Variants in PDE8B observed in about 807,000 individuals in gnomAD.
PDE8B encodes the protein high affinity cAMP-specific and IBMX-insensitive 3',5'-cyclic phosphodiesterase 8B.
A neutral mutation model predicts 101.3 loss-of-function variants in PDE8B; 26 were observed. The ratio of observed to expected loss-of-function variants is 0.26; its 90% CI spans 0.19 to 0.36. The LOEUF is 0.36. PDE8B is among the 10% of genes least tolerant of loss of function. PDE8B has a pLI of 1.00. For missense variants in PDE8B, 810 were observed against 1,163.1 expected, an observed-to-expected ratio of 0.70 and a Z score of 4.42; for synonymous variants, 424 against 429.3, an observed-to-expected ratio of 0.99 and a Z score of 0.15.
chr5:77,342,424 T>G (rs942150186), intron 6 of PDE8B, among the ~76,000 whole-genome samples: 5 of 152,202 alleles, frequency 3.3e-5, no homozygotes, highest in African/African-American at 7.2e-5. Flanking sequence ...TTTCACCCAG[T>G]TCTTTCTGCC....
In PDE8B at chr5:77,259,322, C is replaced by T. The variant is rs545069965; in HGVS notation, c.339+48058C>T. Among the ~76,000 whole-genome samples, 19 of 152,214 alleles carry T rather than the reference C, an allele frequency of 1.2e-4. No individual in the cohort carries two copies. In the South Asian group the frequency reaches 3.9e-3, roughly 32 times the overall value. On this transcript the variant is annotated intron_variant, in intron 1 of 21. Coordinates refer to ENST00000264917, the MANE Select transcript of PDE8B (RefSeq NM_003719.5). ...CTTGGCCCATAGAACAGGTTACAAA[C>T]CTTTGCCCCACAAGAGATTGGAATG... is the stretch of plus-strand genomic sequence containing the variant.
At chr5:77,218,249 A>T (rs1433280636) in intron 1 of PDE8B, among the ~76,000 whole-genome samples, 1 of 152,254 alleles carries the variant, frequency 6.6e-6, no homozygotes, top group African/African-American at 2.4e-5. Context: ...TAATAATATT[A>T]GTTGTTATTT....
the PDE8B span, chr5:77,140,953 T>G: frequency 1.3e-5 from 2 of 152,188 alleles, no homozygotes; most frequent in African/African-American, 2.4e-5. Context: ...TGTACATATT[T>G]GTACTCATAT....
chr5:77,345,545 T>C (rs1361514206), intron 7 of PDE8B, among the ~76,000 whole-genome samples: 3 of 152,214 alleles, frequency 2.0e-5, no homozygotes, highest in Non-Finnish European at 2.9e-5. Context: ...TGCTTATAAA[T>C]GTCTAGGGAA....
At chr5:77,097,581 G>A in the PDE8B span, among the ~76,000 whole-genome samples, 1 of 144,762 alleles carries the variant, frequency 6.9e-6, no homozygotes, top group South Asian at 2.3e-4. Context: ...TATTCTGGAG[G>A]ACAGTATCTC....
chr5:77,349,585 C>T lies in PDE8B; in HGVS notation c.1017+26C>T, dbSNP rs548542348. 25 of 1,613,534 alleles carry T rather than the reference C, an allele frequency of 1.5e-5. No individual in the cohort carries two copies. In the South Asian group the frequency reaches 2.5e-4, roughly 16 times the overall value. ...GTGGGTTACACCAGCAAAACCAATC[C>T]ACGAACCCTCTCCCCAATGCACTTT... is the stretch of plus-strand genomic sequence containing the variant. On this transcript the variant is annotated intron_variant, in intron 8 of 21. Coordinates refer to ENST00000264917, the MANE Select transcript of PDE8B (RefSeq NM_003719.5).
chr5:77,229,289 A>C (rs1339233883), intron 1 of PDE8B, among the ~76,000 whole-genome samples: 2 of 152,172 alleles, frequency 1.3e-5, no homozygotes, highest in African/African-American at 4.8e-5. Context: ...TTAGTGTCAA[A>C]ATTTTAGTAA....
chr5:77,378,036 ACACACACACAC>A (rs1452798290), intron 10 of PDE8B, among the ~76,000 whole-genome samples: 5 of 135,872 alleles, frequency 3.7e-5, no homozygotes, highest in Non-Finnish European at 8.2e-5. Context: ...ACACACACAC[ACACACACACAC>A]ACCCCCTGTT....
chr5:77,156,975 AG>A, the PDE8B span, among the ~76,000 whole-genome samples: 1 of 152,304 alleles, frequency 6.6e-6, no homozygotes, highest in Admixed American at 6.5e-5. Context: ...AAATCTTAAA[AG>A]CATATGGTCT....
chr5:77,418,065 G>A (rs539683202), intron 17 of PDE8B, among the ~76,000 whole-genome samples, 164 bp from the exon 18 acceptor site: 2 of 152,278 alleles, frequency 1.3e-5, no homozygotes, highest in African/African-American at 2.4e-5. Context: ...AAGCGATGCT[G>A]CATGTCCGAG....
intron 10 of PDE8B, among the ~76,000 whole-genome samples, chr5:77,387,104 C>T (rs543957813): frequency 6.7e-4 from 101 of 151,584 alleles, no homozygotes; most frequent in African/African-American, 2.2e-3. Context: ...AGGATGGTCT[C>T]GATCTCCTGA....
intron 2 of PDE8B, among the ~76,000 whole-genome samples, chr5:77,317,764 A>G (rs11748861): frequency 0.19 from 28,946 of 151,994 alleles, 3,454 homozygotes; most frequent in Middle Eastern, 0.31. Context: ...TCCCGTCCCC[A>G]TTCCCGTCAT....
At chr5:77,385,359 CTCTTT>C (rs1410935650) in intron 10 of PDE8B, among the ~76,000 whole-genome samples, 1 of 151,486 alleles carries the variant, frequency 6.6e-6, no homozygotes, top group Non-Finnish European at 1.5e-5. Flanking sequence ...TGATTCTTCT[CTCTTT>C]TCTTCTTTAT....
At chr5:77,234,516 T>G (rs1279140404) in intron 1 of PDE8B, among the ~76,000 whole-genome samples, 1 of 152,128 alleles carries the variant, frequency 6.6e-6, no homozygotes, top group African/African-American at 2.4e-5. Flanking sequence ...TCAAGAGGAC[T>G]TTACCGAACC....
chr5:77,191,357 C>CTT, the PDE8B span, among the ~76,000 whole-genome samples: 1 of 145,896 alleles, frequency 6.9e-6, no homozygotes. Flanking sequence ...TAAAACATAT[C>CTT]TTTTTTTTTT....
chr5:77,116,992 C>A, the PDE8B span, among the ~76,000 whole-genome samples: 2,439 of 152,316 alleles, frequency 0.016, 81 homozygotes, highest in African/African-American at 0.054. Context: ...TACTTCTACA[C>A]CCGGTTTCCA....
At chr5:77,295,075 A>G (rs919519519) in intron 1 of PDE8B, among the ~76,000 whole-genome samples, 1 of 152,156 alleles carries the variant, frequency 6.6e-6, no homozygotes, top group Non-Finnish European at 1.5e-5. Context: ...GCATCTAGGC[A>G]AAAAGACCAA....
chr5:77,419,787 G>A lies in PDE8B; in HGVS notation c.2150G>A (p.Arg717His), dbSNP rs1561690310. 4 of 1,614,006 alleles carry A rather than the reference G, an allele frequency of 2.5e-6. No homozygotes were observed. Among genetic ancestry groups the A allele is most frequent in the Non-Finnish European group, 3.4e-6 (4 of 1,179,950 alleles). ...TTTAGGAACCATTATCGAACGCTGC[G>A]CCAGGCTATTATTGACATGGTTTTG... ...NIDRNHYRTL[R>H]QAIIDMVLAT... Residue 717 changes from arginine to histidine, a missense_variant, in exon 19 of 22, where the codon CGC becomes CAC. By Grantham distance (29) the Arg-to-His change is conservative. Transcript: ENST00000264917.
the PDE8B span, among the ~76,000 whole-genome samples, chr5:77,128,694 A>G: frequency 6.6e-6 from 1 of 152,220 alleles, no homozygotes; most frequent in African/African-American, 2.4e-5. Flanking sequence ...CCCTGACTGG[A>G]GCCAAGTGTC....
Sources: gnomAD v4.1 joint callset for allele counts (sites outside exome capture counted in the v4.1 genomes callset) on GRCh38, gnomAD v4.1.1 for gene constraint, MANE v1.5 for transcripts, NCBI Gene and HGNC (gene_info 2026-07-23, HGNC 2026-07-21) for gene names.